Variants in RTL4 observed in about 807,000 individuals in gnomAD.
RTL4 encodes the protein retrotransposon Gag-like protein 4.
In RTL4, 4 loss-of-function variants were observed where a neutral mutation model predicts 5.3. That is an observed-to-expected ratio of 0.75 (90% CI 0.37 to 1.72). The LOEUF is 1.72. Ranked by LOEUF, RTL4 falls within the 40% of genes most tolerant of loss-of-function variation. The pLI, the probability that RTL4 is intolerant of heterozygous loss-of-function variation, is 0.04. For synonymous variants in RTL4, 98 were observed against 87.3 expected, an observed-to-expected ratio of 1.12 and a Z score of -0.68; for missense variants, 260 against 227.1, an observed-to-expected ratio of 1.14 and a Z score of -0.93.
the RTL4 span, among the ~76,000 whole-genome samples, chrX:112,139,469 G>C: frequency 9.8e-5 from 11 of 111,876 alleles, no homozygotes; most frequent in Non-Finnish European, 1.9e-4. Context: ...ACACTTTGAG[G>C]TTATGTTAAT....
the RTL4 span, among the ~76,000 whole-genome samples, chrX:112,331,955 C>T: frequency 1.1e-5 from 1 of 92,133 alleles, no homozygotes; most frequent in East Asian, 3.3e-4. Flanking sequence ...GGGAATTGAA[C>T]AATGAGAACA....
the RTL4 span, among the ~76,000 whole-genome samples, chrX:112,338,836 T>C: frequency 8.0e-5 from 9 of 112,168 alleles, no homozygotes; most frequent in African/African-American, 1.3e-4. Flanking sequence ...AATAAAGTAA[T>C]AGCAGAGAAG....
the RTL4 span, among the ~76,000 whole-genome samples, chrX:112,213,654 CA>C: frequency 8.9e-6 from 1 of 111,871 alleles, no homozygotes; most frequent in Admixed American, 9.5e-5. Context: ...ATAAAACTTA[CA>C]GTGTTCACCA....
At chrX:112,199,313 T>A in the RTL4 span, among the ~76,000 whole-genome samples, 23 of 103,351 alleles carry the variant, frequency 2.2e-4, no homozygotes, top group Non-Finnish European at 4.3e-4. Flanking sequence ...AAAAAAGACC[T>A]GAGGCAGAAA....
chrX:112,448,156 G>T, the RTL4 span, among the ~76,000 whole-genome samples: 1 of 111,969 alleles, frequency 8.9e-6, no homozygotes, highest in Non-Finnish European at 1.9e-5. Context: ...AGACAGGAGG[G>T]AGCATGAAGG....
the RTL4 span, among the ~76,000 whole-genome samples, chrX:112,399,711 T>C: frequency 8.9e-6 from 1 of 111,755 alleles, no homozygotes; most frequent in Non-Finnish European, 1.9e-5. Flanking sequence ...TTCATTTTGA[T>C]CAATCTAGAT....
chrX:112,132,239 TC>T, the RTL4 span, among the ~76,000 whole-genome samples: 53 of 111,936 alleles, frequency 4.7e-4, no homozygotes, highest in African/African-American at 1.1e-3. Flanking sequence ...CTACCTCTCC[TC>T]AGGGTCCCCA....
At chrX:112,262,840 T>C in the RTL4 span, among the ~76,000 whole-genome samples, 1 of 110,912 alleles carries the variant, frequency 9.0e-6, no homozygotes, top group South Asian at 3.9e-4. Context: ...GTGGAACATA[T>C]ACACCATGGA....
At chrX:112,225,430 T>C in the RTL4 span, among the ~76,000 whole-genome samples, 3 of 112,102 alleles carry the variant, frequency 2.7e-5, no homozygotes, top group African/African-American at 9.8e-5. Flanking sequence ...CCCAAGTTTT[T>C]GCTCCAGCTG....
chrX:112,246,151 C>A, the RTL4 span, among the ~76,000 whole-genome samples: 118 of 112,090 alleles, frequency 1.1e-3, no homozygotes, highest in African/African-American at 3.8e-3. Context: ...GGAGGTGTCT[C>A]CCAGTTAGGG....
the RTL4 span, among the ~76,000 whole-genome samples, chrX:112,313,125 T>TA: frequency 9.0e-6 from 1 of 111,502 alleles, no homozygotes; most frequent in South Asian, 3.7e-4. Context: ...ATTGTACACT[T>TA]ACTCAAAATA....
chrX:112,108,449 G>C, the RTL4 span, among the ~76,000 whole-genome samples: 1 of 111,544 alleles, frequency 9.0e-6, no homozygotes, highest in Non-Finnish European at 1.9e-5. Flanking sequence ...CTTTGTCTGG[G>C]AGAGCCCTTT....
the RTL4 span, among the ~76,000 whole-genome samples, chrX:112,419,575 G>GTGTATA: frequency 0.014 from 626 of 46,147 alleles, 30 homozygotes; most frequent in East Asian, 0.046. Flanking sequence ...GGCCAAGGTA[G>GTGTATA]TATATATATA....
chrX:112,275,480 A>G, the RTL4 span, among the ~76,000 whole-genome samples: 7 of 112,077 alleles, frequency 6.2e-5, no homozygotes, highest in African/African-American at 2.3e-4. Context: ...ATGAAGGCAA[A>G]CAAAAAGGTT....
chrX:112,288,045 C>G, the RTL4 span, among the ~76,000 whole-genome samples: 5 of 111,744 alleles, frequency 4.5e-5, no homozygotes, highest in African/African-American at 1.6e-4. Context: ...AAATGCTGTG[C>G]TTGATTCAGA....
At chrX:112,234,170 C>T in the RTL4 span, among the ~76,000 whole-genome samples, 198 of 109,897 alleles carry the variant, frequency 1.8e-3, no homozygotes, top group Non-Finnish European at 3.0e-3. Context: ...CTAGCCTGGG[C>T]GACAGAGTGA....
At chrX:112,192,199 T>C in the RTL4 span, among the ~76,000 whole-genome samples, 7 of 109,198 alleles carry the variant, frequency 6.4e-5, no homozygotes, top group Non-Finnish European at 1.3e-4. Flanking sequence ...TTATGTCATC[T>C]TTAAGTAGAC....
At chrX:112,413,465 C>T in the RTL4 span, among the ~76,000 whole-genome samples, 1 of 111,606 alleles carries the variant, frequency 9.0e-6, no homozygotes, top group Non-Finnish European at 1.9e-5. Flanking sequence ...TGTCCATCAA[C>T]AGATGACTGG....
the RTL4 span, among the ~76,000 whole-genome samples, chrX:112,447,960 T>C: frequency 0.51 from 56,352 of 110,197 alleles, 11,356 homozygotes; most frequent in African/African-American, 0.74. Context: ...AAAAACATGA[T>C]GTATCCTAAG....
Sources: allele counts gnomAD v4.1 joint callset (sites outside exome capture counted in the v4.1 genomes callset), GRCh38; gene constraint gnomAD v4.1.1; transcripts MANE v1.5; gene names NCBI Gene and HGNC (gene_info 2026-07-23, HGNC 2026-07-21).